Variants in MED24 observed in about 807,000 individuals in gnomAD.
MED24 encodes mediator of RNA polymerase II transcription subunit 24.
A neutral mutation model predicts 118.8 loss-of-function variants in MED24; 74 were observed. The observed-to-expected ratio is 0.62, with a 90% CI of 0.52 to 0.76. The LOEUF is 0.76. Among genes scored for constraint, MED24 ranks in the 30% least tolerant of loss-of-function variants. The probability of loss-of-function intolerance (pLI) is 0.00; values close to 1 mark genes in which losing one functional copy is unlikely to be tolerated. For synonymous variants in MED24, 521 were observed against 523.9 expected, an observed-to-expected ratio of 0.99 and a Z score of 0.08; for missense variants, 1,041 against 1,278.9, an observed-to-expected ratio of 0.81 and a Z score of 2.84.
In MED24 at chr17:40,035,301, A is replaced by G; in HGVS notation, c.375T>C (p.Leu125=). The G allele has an allele frequency of 1.2e-6, 2 of 1,611,588 alleles. No homozygotes were observed. Among genetic ancestry groups the G allele is most frequent in the Non-Finnish European group, 1.7e-6 (2 of 1,178,016 alleles). The change falls in exon 6 of 26, where the codon CTT becomes CTC. Residue 125 remains leucine (L), a synonymous_variant. Transcript: ENST00000394128. ...EECIGLCRAL[L]SALHWLLRCT... is the part of the protein sequence containing the mutation. ...AGCGCAGCAGCCAGTGGAGGGCGCT[A>G]AGAAGGGCTCGGCACAGTCCGATGC...
Position 40,022,674 on chromosome 17 carries a change from G to C in MED24, c.2403C>G (p.Leu801=), listed in dbSNP as rs1759620683. 4 of 1,613,658 alleles carry C rather than the reference G, an allele frequency of 2.5e-6. No individual in the cohort carries two copies. The highest frequency in any genetic ancestry group is 1.3e-5 in the African/African-American group (1 of 74,898). Residue 801 remains leucine (L), a synonymous_variant, in exon 21 of 26, where the codon CTC becomes CTG. Coordinates refer to ENST00000394128, the MANE Select transcript of MED24 (RefSeq NM_014815.4). The part of the protein sequence containing the change: ...LLTDSSKWHS[L]MDPPGTALAK... ...CAAGAGCAGTGCCCGGGGGGTCCATGAGGCTGTGCCACTTGGAGGAGTCAG... is the reference window on the plus strand; with the variant it reads ...CAAGAGCAGTGCCCGGGGGGTCCATCAGGCTGTGCCACTTGGAGGAGTCAG...
intron 3 of MED24, among the ~76,000 whole-genome samples, chr17:40,044,677 C>T (rs181551557): frequency 3.3e-5 from 5 of 151,582 alleles, no homozygotes; most frequent in African/African-American, 9.7e-5. Flanking sequence ...GTCAGGAGAT[C>T]GAGACCATCC....
chr17:40,020,306 C>A lies in MED24; in HGVS notation c.2671G>T (p.Val891Phe). The change falls in exon 24 of 26, where the codon GTC becomes TTC. Residue 891 changes from valine to phenylalanine, a missense_variant. Val to Phe is a conservative substitution (Grantham distance 50, BLOSUM62 -1). Around this residue, in one of 3 missense-constraint regions of MED24, gnomAD observed 587 missense variants for 694.4 expected, o/e 0.85. Transcript: ENST00000394128. ...CGGTTCAGAGGGTCCCGCATGTTGA[C>A]CGTGTGGAGCTGAGAGGCTGAGAGG... ...SSLSASQLHT[V>F]NMRDPLNRVL... 6.3e-7 allele frequency: 1 copy of A among 1,585,668 alleles called. No individual in the cohort carries two copies. Among genetic ancestry groups the A allele is most frequent in the South Asian group, 1.2e-5 (1 of 85,454 alleles).
intron 3 of MED24, 97 bp from the exon 4 acceptor site, chr17:40,036,251 C>T: frequency 1.6e-6 from 2 of 1,249,826 alleles, no homozygotes; most frequent in Admixed American, 1.8e-5. Context: ...CTCTCCTGAA[C>T]CTCAACCCCT....
chr17:40,035,885 C>T, intron 4 of MED24, 90 bp from the exon 5 acceptor site: 2 of 1,262,500 alleles, frequency 1.6e-6, no homozygotes, highest in Non-Finnish European at 2.3e-6. Flanking sequence ...GACTCCTGCT[C>T]CTCTCTCCTC....
chr17:40,050,183 T>C (rs1225829811), intron 3 of MED24, among the ~76,000 whole-genome samples: 1 of 138,678 alleles, frequency 7.2e-6, no homozygotes, highest in Non-Finnish European at 1.5e-5. Flanking sequence ...GAGATACGCA[T>C]TCAGGTCAGG....
chr17:40,035,406 A>G, intron 5 of MED24, 57 bp from the exon 6 acceptor site: 1 of 1,492,584 alleles, frequency 6.7e-7, no homozygotes. Context: ...AATCCGACCC[A>G]CATCAATGTT....
chr17:40,035,863 C>T (rs1049036549), intron 4 of MED24, 68 bp from the exon 5 acceptor site: 20 of 1,470,728 alleles, frequency 1.4e-5, no homozygotes, highest in South Asian at 8.2e-5. Flanking sequence ...ATGAGGCAGA[C>T]GGTGCATTCA....
At chr17:40,022,320 C>T (rs904851162) in intron 22 of MED24, 74 bp downstream of exon 22, 56 of 1,466,402 alleles carry the variant, frequency 3.8e-5, no homozygotes, top group Non-Finnish European at 4.9e-5. Context: ...TTCCCTTTGC[C>T]TGGGGAATCC....
At chr17:40,027,869 C>T in intron 15 of MED24, 40 bp downstream of exon 15, 1 of 1,605,380 alleles carries the variant, frequency 6.2e-7, no homozygotes, top group Non-Finnish European at 8.5e-7. Context: ...CACCCCTCCT[C>T]AGGGCCCACT....
At chr17:40,020,086 T>C (rs772590676) in intron 24 of MED24, 153 bp from the exon 25 acceptor site, 14 of 1,038,872 alleles carry the variant, frequency 1.3e-5, no homozygotes, top group Admixed American at 2.0e-5. Flanking sequence ...TAAAAGGCAA[T>C]TGGGGAGGGG....
intron 9 of MED24, 134 bp from the exon 10 acceptor site, chr17:40,032,224 C>T: frequency 9.5e-7 from 1 of 1,053,478 alleles, no homozygotes; most frequent in Non-Finnish European, 1.4e-6. Context: ...TGAGAGCACA[C>T]TTAGTGCTAA....
chr17:40,032,386 G>A, intron 9 of MED24: 2 of 564,638 alleles, frequency 3.5e-6, no homozygotes, highest in Non-Finnish European at 6.3e-6. Context: ...CCTTTCCCTG[G>A]CTCCCTTTAC....
intron 3 of MED24, among the ~76,000 whole-genome samples, chr17:40,043,890 C>CAAAAAAAAAAACAAAAAAAAAAAAAAA (rs1555668258): frequency 1.0e-5 from 1 of 97,448 alleles, no homozygotes; most frequent in Non-Finnish European, 2.2e-5. Context: ...GACTCCATCT[C>CAAAAAAAAAAACAAAAAAAAAAAAAAA]AAAAAAAAAA....
rs776094373 is a variant in MED24, at chr17:40,035,331, C to G, written c.345G>C (p.Glu115Asp). Reference protein sequence around the residue: ...CDRLSCHGKAEECIGLCRALL... With the variant: ...CDRLSCHGKADECIGLCRALL... ...GGGCTCGGCACAGTCCGATGCATTC[C>G]TCTGCTTTGCCGTGACAGCTACAGG... Residue 115 changes from glutamate (E) to aspartate (D), a missense_variant, in exon 6 of 26, where the codon GAG becomes GAC. Glu to Asp is a conservative substitution (Grantham distance 45). Transcript: ENST00000394128. The G allele has an allele frequency of 6.3e-7, 1 of 1,592,292 alleles. No homozygotes were observed. Among genetic ancestry groups the G allele is most frequent in the African/African-American group, 1.3e-5 (1 of 74,294 alleles).
rs1261397186 is a variant in MED24, at chr17:40,019,427, A to C, written c.*102T>G. 4 of 928,340 alleles carry C rather than the reference A, an allele frequency of 4.3e-6. No individual in the cohort carries two copies. The highest frequency in any genetic ancestry group is 6.8e-6 in the Non-Finnish European group (4 of 591,280). The allele number at this position is 928,340 out of a possible 1,614,324, so 57.5% of individuals were successfully genotyped here. A position where few individuals can be genotyped will look rare whatever the true frequency, so the allele number is the denominator to read the frequency against. ...CGCTAGAGGCTCTTGCACCATGTGGAGCGGATGTGAGGCACGATGCCTCAT... is the reference window on the plus strand; with the variant it reads ...CGCTAGAGGCTCTTGCACCATGTGGCGCGGATGTGAGGCACGATGCCTCAT... On this transcript the variant is annotated 3_prime_UTR_variant, in exon 26 of 26. Transcript: ENST00000394128.
At chr17:40,036,028 G>T in intron 4 of MED24, 88 bp downstream of exon 4, 1 of 1,431,246 alleles carries the variant, frequency 7.0e-7, no homozygotes, top group Non-Finnish European at 9.8e-7. Context: ...TGCCTATCCA[G>T]CCTCACGGGT....
intron 3 of MED24, among the ~76,000 whole-genome samples, chr17:40,052,328 G>A (rs948626359): frequency 3.3e-5 from 5 of 152,158 alleles, no homozygotes; most frequent in African/African-American, 9.7e-5. Flanking sequence ...GGCAAGTTAT[G>A]TGTATTAAGT....
intron 3 of MED24, among the ~76,000 whole-genome samples, chr17:40,050,282 C>G (rs1985699424): frequency 6.6e-6 from 1 of 151,824 alleles, no homozygotes. Flanking sequence ...AACCCCGTCT[C>G]TACTAAAACT....
Sources: allele counts gnomAD v4.1 joint callset (sites outside exome capture counted in the v4.1 genomes callset), GRCh38; gene constraint gnomAD v4.1.1; regional missense constraint gnomAD v4.1.1; transcripts MANE v1.5; gene names NCBI Gene and HGNC (gene_info 2026-07-23, HGNC 2026-07-21).